Variants in SLC35D4 observed in about 807,000 individuals in gnomAD.
SLC35D4 encodes UDP-N-acetylglucosamine transporter SLC35D4.
At chr18:23,261,927 C>G in the SLC35D4 span, among the ~76,000 whole-genome samples, 13 of 152,190 alleles carry the variant, frequency 8.5e-5, no homozygotes, top group Non-Finnish European at 1.8e-4. Context: ...TGCCATCTCT[C>G]ACCACCATCT....
the SLC35D4 span, among the ~76,000 whole-genome samples, chr18:23,416,293 C>T: frequency 1.3e-5 from 2 of 152,192 alleles, no homozygotes; most frequent in African/African-American, 4.8e-5. Context: ...TTCTCCATGG[C>T]CTATGCTGCC....
the SLC35D4 span, among the ~76,000 whole-genome samples, chr18:23,377,104 G>A: frequency 6.6e-6 from 1 of 152,302 alleles, no homozygotes; most frequent in Non-Finnish European, 1.5e-5. Context: ...CAGATGCAAG[G>A]CACCCAGGTT....
chr18:23,429,632 T>A, the SLC35D4 span, among the ~76,000 whole-genome samples: 2 of 152,196 alleles, frequency 1.3e-5, no homozygotes, highest in Non-Finnish European at 2.9e-5. Context: ...CACCTTGGCC[T>A]CCCAAAGTGG....
At chr18:23,306,222 CAA>C in the SLC35D4 span, among the ~76,000 whole-genome samples, 1 of 130,868 alleles carries the variant, frequency 7.6e-6, no homozygotes. Context: ...CAAACAAATG[CAA>C]AAAAAAAAAG....
At chr18:23,312,646 T>C in the SLC35D4 span, among the ~76,000 whole-genome samples, 1 of 152,174 alleles carries the variant, frequency 6.6e-6, no homozygotes, top group African/African-American at 2.4e-5. Context: ...GGATGATGTG[T>C]TCTCTCCCCA....
chr18:23,343,900 C>CTT, the SLC35D4 span, among the ~76,000 whole-genome samples: 15 of 140,916 alleles, frequency 1.1e-4, no homozygotes, highest in South Asian at 2.3e-4. Flanking sequence ...TGATCTCATT[C>CTT]TTTTTTTTTT....
At chr18:23,321,288 G>T in the SLC35D4 span, among the ~76,000 whole-genome samples, 4 of 152,250 alleles carry the variant, frequency 2.6e-5, no homozygotes, top group Non-Finnish European at 4.4e-5. Context: ...TGTTTCGGTT[G>T]AGATACTGGC....
At chr18:23,304,708 G>GCTTCA in the SLC35D4 span, among the ~76,000 whole-genome samples, 1 of 152,092 alleles carries the variant, frequency 6.6e-6, no homozygotes, top group African/African-American at 2.4e-5. Flanking sequence ...GAGGAAGAGG[G>GCTTCA]GGGAGGAAGA....
the SLC35D4 span, among the ~76,000 whole-genome samples, chr18:23,311,508 T>A: frequency 1.5e-4 from 23 of 152,140 alleles, no homozygotes; most frequent in Non-Finnish European, 3.2e-4. Flanking sequence ...TTGGAAACAA[T>A]GTTGTACTAA....
At chr18:23,373,102 T>C in the SLC35D4 span, among the ~76,000 whole-genome samples, 2 of 152,042 alleles carry the variant, frequency 1.3e-5, no homozygotes, top group South Asian at 4.2e-4. Flanking sequence ...TCACTTGAGG[T>C]CAGGAGTTTG....
At chr18:23,249,162 C>T in the SLC35D4 span, among the ~76,000 whole-genome samples, 2 of 152,218 alleles carry the variant, frequency 1.3e-5, no homozygotes, top group African/African-American at 4.8e-5. Flanking sequence ...TTGCTCCAGC[C>T]CTGCCTTCAC....
At chr18:23,257,404 C>G in the SLC35D4 span, 1 of 1,551,972 alleles carries the variant, frequency 6.4e-7, no homozygotes, top group Non-Finnish European at 8.7e-7. Context: ...CATTTCTTCT[C>G]AGCTTGGTGG....
chr18:23,396,302 T>C, the SLC35D4 span, among the ~76,000 whole-genome samples: 4 of 152,338 alleles, frequency 2.6e-5, no homozygotes, highest in Non-Finnish European at 5.9e-5. Flanking sequence ...CGGATTTTAA[T>C]GGAGCGCTTT....
At chr18:23,310,559 G>A in the SLC35D4 span, among the ~76,000 whole-genome samples, 1 of 152,094 alleles carries the variant, frequency 6.6e-6, no homozygotes, top group Admixed American at 6.5e-5. Context: ...GCTTCCATGG[G>A]GAAGGTAAGC....
chr18:23,390,327 T>C, the SLC35D4 span, among the ~76,000 whole-genome samples: 1 of 152,154 alleles, frequency 6.6e-6, no homozygotes, highest in African/African-American at 2.4e-5. Context: ...AAGGTCCTAC[T>C]CTCTTTCATC....
chr18:23,413,022 C>T, the SLC35D4 span, among the ~76,000 whole-genome samples: 25 of 152,100 alleles, frequency 1.6e-4, no homozygotes, highest in African/African-American at 5.1e-4. Flanking sequence ...ACTGGGTTTC[C>T]GTAAAGTTCT....
the SLC35D4 span, among the ~76,000 whole-genome samples, chr18:23,371,668 G>A: frequency 1.3e-5 from 2 of 151,854 alleles, no homozygotes; most frequent in South Asian, 2.1e-4. Context: ...ACAGGACTCT[G>A]CCTCCAACAC....
chr18:23,350,363 A>G, the SLC35D4 span, among the ~76,000 whole-genome samples: 1 of 152,184 alleles, frequency 6.6e-6, no homozygotes, highest in Non-Finnish European at 1.5e-5. Flanking sequence ...TGGGCCAGAA[A>G]GGCTTCTCCC....
chr18:23,427,223 G>T, the SLC35D4 span, among the ~76,000 whole-genome samples: 1 of 152,178 alleles, frequency 6.6e-6, no homozygotes, highest in East Asian at 1.9e-4. Flanking sequence ...CCATCAGAGT[G>T]AACAGGCAAC....
Sources: allele counts gnomAD v4.1 joint callset (sites outside exome capture counted in the v4.1 genomes callset), GRCh38; gene constraint gnomAD v4.1.1; transcripts MANE v1.5; gene names NCBI Gene and HGNC (gene_info 2026-07-23, HGNC 2026-07-21).